The following DAW1 variants were observed in gnomAD, a reference collection of about 807,000 sequenced individuals.
The protein encoded by DAW1 is dynein assembly factor with WD repeat domains 1.
In DAW1, 47 loss-of-function variants were observed where a neutral mutation model predicts 56.5. The ratio of observed to expected loss-of-function variants is 0.83; its 90% CI spans 0.66 to 1.06. The LOEUF (loss-of-function observed/expected upper bound fraction) is 1.06. Ranked by LOEUF, DAW1 falls within the 50% of genes least tolerant of loss-of-function variation. The pLI is 0.00. For missense variants in DAW1, 505 were observed against 499.3 expected (o/e 1.01, Z -0.11); for synonymous variants, 190 against 179.0 (o/e 1.06, Z -0.49).
At chr2:227,912,599 C>A in intron 10 of DAW1, 1 of 1,141,730 alleles carries the variant, frequency 8.8e-7, no homozygotes, top group Non-Finnish European at 1.1e-6. Flanking sequence ...CAGTGATGAC[C>A]GCCTATTCTG....
chr2:227,923,631 G>C (rs1187152433), intron 12 of DAW1, among the ~76,000 whole-genome samples: 1 of 152,100 alleles, frequency 6.6e-6, no homozygotes, highest in Non-Finnish European at 1.5e-5. Flanking sequence ...CGGCAGAGGG[G>C]ATGGCTGAGG....
intron 5 of DAW1, among the ~76,000 whole-genome samples, chr2:227,896,775 G>C (rs1691419948): frequency 6.6e-6 from 1 of 152,056 alleles, no homozygotes; most frequent in African/African-American, 2.4e-5. Context: ...GTGGTGTCAT[G>C]TGGATATAGA....
intron 4 of DAW1, among the ~76,000 whole-genome samples, chr2:227,893,299 C>A (rs1258679061): frequency 2.0e-5 from 3 of 150,724 alleles, no homozygotes; most frequent in African/African-American, 7.3e-5. Flanking sequence ...GGGGAGGGAA[C>A]AATGGAATAT....
chr2:227,903,912 T>C (rs1417142078), intron 7 of DAW1, among the ~76,000 whole-genome samples: 1 of 152,136 alleles, frequency 6.6e-6, no homozygotes. Flanking sequence ...ATAACAGTAA[T>C]GGCTTTTCTT....
chr2:227,884,953 T>C (rs1691090341), intron 1 of DAW1, among the ~76,000 whole-genome samples: 1 of 152,132 alleles, frequency 6.6e-6, no homozygotes, highest in Admixed American at 6.5e-5. Flanking sequence ...ATCAGACTGC[T>C]TGCAGGGGCC....
intron 4 of DAW1, among the ~76,000 whole-genome samples, chr2:227,892,785 C>T (rs1470905827): frequency 6.6e-6 from 1 of 152,056 alleles, no homozygotes; most frequent in Non-Finnish European, 1.5e-5. Context: ...GGGTTGTTTT[C>T]TGTGCTGGGG....
intron 10 of DAW1, chr2:227,912,369 C>A (rs181189267): frequency 3.8e-6 from 5 of 1,304,656 alleles, no homozygotes; most frequent in Non-Finnish European, 5.1e-6. Flanking sequence ...AGTTATGTCA[C>A]GTTCTTGGTA....
At chr2:227,912,130 T>A (rs1691840035) in intron 10 of DAW1, 1 of 362,834 alleles carries the variant, frequency 2.8e-6, no homozygotes, top group Non-Finnish European at 5.4e-6. Flanking sequence ...CTGACTTATG[T>A]GTGTACATTG....
chr2:227,912,239 C>G (rs1559312959), intron 10 of DAW1: 1 of 472,042 alleles, frequency 2.1e-6, no homozygotes. Flanking sequence ...TTCTCTTTTT[C>G]TTTTTTTCTT....
Position 227,909,727 on chromosome 2 carries a change from G to A in DAW1, c.973+2475G>A, listed in dbSNP as rs150245091. Among the ~76,000 whole-genome samples the A allele has an allele frequency of 6.5e-3, 990 of 152,232 alleles. 10 individuals are homozygous for A. The highest frequency in any genetic ancestry group is 0.02 in the African/African-American group (818 of 41,546). On this transcript the variant is annotated intron_variant, in intron 10 of 12. Transcript: ENST00000309931. ...TGAGAACCAGAAGCTCGATGACCGA[G>A]GGCCAGAGAAGATGGATGTCCCAGC...
intron 12 of DAW1, among the ~76,000 whole-genome samples, chr2:227,922,686 C>T (rs1310513190): frequency 6.6e-6 from 1 of 152,192 alleles, no homozygotes; most frequent in Non-Finnish European, 1.5e-5. Flanking sequence ...CTCCCCTTAC[C>T]ACCTAAAATG....
At chr2:227,915,136 G>T (rs900624106) in intron 10 of DAW1, among the ~76,000 whole-genome samples, 1 of 151,990 alleles carries the variant, frequency 6.6e-6, no homozygotes, top group Admixed American at 6.5e-5. Flanking sequence ...ATGTGTTATG[G>T]TATAGTATTA....
intron 10 of DAW1, among the ~76,000 whole-genome samples, chr2:227,908,349 A>G (rs1489417490): frequency 1.3e-5 from 2 of 152,306 alleles, no homozygotes; most frequent in Admixed American, 6.5e-5. Flanking sequence ...GCTGACAAAT[A>G]TGTATGATAC....
chr2:227,914,440 T>TTGTCC (rs1691903504), intron 10 of DAW1, among the ~76,000 whole-genome samples: 1 of 152,114 alleles, frequency 6.6e-6, no homozygotes, highest in Non-Finnish European at 1.5e-5. Context: ...TCTATGTTAC[T>TTGTCC]TGTCATAAAT....
chr2:227,922,875 A>T (rs1715837), intron 12 of DAW1, among the ~76,000 whole-genome samples: 73,342 of 151,990 alleles, frequency 0.48, 18,198 homozygotes, highest in Middle Eastern at 0.63. Context: ...CTTGATGAGA[A>T]AAGAGGTGAG....
chr2:227,912,195 T>A (rs1691842124), intron 10 of DAW1: 1 of 377,436 alleles, frequency 2.6e-6, no homozygotes, highest in South Asian at 2.0e-5. Context: ...ATGGTCAACA[T>A]GTATGATGTT....
rs138602363 is a variant in DAW1 at position 227,889,846 on chromosome 2, T to A, written c.114-10T>A. 16,071 of 1,552,054 alleles carry A rather than the reference T, an allele frequency of 0.01. 120 individuals are homozygous for A. Among genetic ancestry groups the A allele is most frequent in the Non-Finnish European group, 0.013 (14,672 of 1,157,784 alleles). On this transcript the variant is annotated splice_polypyrimidine_tract_variant and intron_variant, in intron 2 of 12. Transcript: ENST00000309931. ...AAAATAAAAGAAACTCTTTTTTGGG[T>A]GTATTTCAGCACTGATGTCAGTGCG... is the stretch of plus-strand genomic sequence containing the variant.
intron 11 of DAW1, 110 bp downstream of exon 11, chr2:227,918,966 G>A: frequency 8.9e-7 from 1 of 1,125,272 alleles, no homozygotes; most frequent in Non-Finnish European, 1.3e-6. Flanking sequence ...AGGAAAAGGT[G>A]AGAAGATTGC....
intron 4 of DAW1, among the ~76,000 whole-genome samples, chr2:227,893,051 C>T (rs1350021100): frequency 2.0e-5 from 3 of 151,340 alleles, no homozygotes; most frequent in Admixed American, 1.3e-4. Flanking sequence ...GGGCAGATCA[C>T]GAGGTCAGGA....
Sources: gnomAD v4.1 joint callset for allele counts (sites outside exome capture counted in the v4.1 genomes callset) on GRCh38, gnomAD v4.1.1 for gene constraint, MANE v1.5 for transcripts, NCBI Gene and HGNC (gene_info 2026-07-23, HGNC 2026-07-21) for gene names.